MAL2: variants seen among roughly 807,000 people sequenced by gnomAD.
MAL2 encodes mal, T cell differentiation protein 2.
In MAL2, 17 loss-of-function variants were observed where a neutral mutation model predicts 18.1. The ratio of observed to expected loss-of-function variants is 0.94; its 90% CI spans 0.64 to 1.41. The LOEUF (loss-of-function observed/expected upper bound fraction) is 1.41, where lower values mean the gene tolerates loss of function less well. Ranked by LOEUF, MAL2 falls within the 40% of genes most tolerant of loss-of-function variation. The pLI, the probability that MAL2 is intolerant of heterozygous loss-of-function variation, is 0.00. For missense variants in MAL2, 222 were observed against 231.9 expected (o/e 0.96, Z 0.28); for synonymous variants, 102 against 102.3 (o/e 1.00, Z 0.02).
chr8:119,216,748 G>T (rs760696023), intron 1 of MAL2, among the ~76,000 whole-genome samples: 1 of 152,164 alleles, frequency 6.6e-6, no homozygotes, highest in Non-Finnish European at 1.5e-5. Context: ...TCCCTTATGG[G>T]TAGTTTAGCC....
chr8:119,228,081 C>T (rs1327989136), intron 2 of MAL2, among the ~76,000 whole-genome samples: 5 of 152,132 alleles, frequency 3.3e-5, no homozygotes, highest in Non-Finnish European at 5.9e-5. Context: ...TAATTCCTTT[C>T]GCCCTCTTAT....
intron 2 of MAL2, among the ~76,000 whole-genome samples, chr8:119,235,241 GT>G (rs1050604516): frequency 3.2e-4 from 49 of 152,156 alleles, no homozygotes; most frequent in African/African-American, 1.1e-3. Flanking sequence ...GAGAAGGGAA[GT>G]TTAGAGAAAA....
At position 119,213,875 on chromosome 8, in the gene MAL2, C is replaced by A. The variant is rs1181920159; in HGVS notation, c.132+5271C>A. Among the ~76,000 whole-genome samples the A allele has an allele frequency of 2.0e-5, 3 of 152,030 alleles. No individual in the cohort carries two copies. In the East Asian group the frequency reaches 5.8e-4, roughly 29 times the overall value. On this transcript the variant is annotated intron_variant, in intron 1 of 3. Transcript: ENST00000614891. Reference sequence around the variant, plus strand: ...TAAAGTTTCATAAGGGAAAATAAACCAATGCCCCTGCCAGAGATTATTATC... The same window carrying A: ...TAAAGTTTCATAAGGGAAAATAAACAAATGCCCCTGCCAGAGATTATTATC...
At position 119,208,376 on chromosome 8, in the gene MAL2, G is replaced by C. The variant is rs1034938565; in HGVS notation, c.-97G>C. On this transcript the variant is annotated 5_prime_UTR_variant, in exon 1 of 4. Coordinates refer to ENST00000614891, the MANE Select transcript of MAL2 (RefSeq NM_052886.3). This position sits in a 1 kb window ranked among gnomAD's most constrained non-coding sequence, Gnocchi z 4.3. ...CTCCCGCGCGGCGCGCCCGGAGCCC[G>C]CGGAGCTGAGCGGCGGCGGCGGCGG... 1 of 654,536 alleles carries C rather than the reference G, an allele frequency of 1.5e-6. No homozygotes were observed. The allele number at this position is 654,536 out of a possible 1,614,324, so 40.5% of individuals were successfully genotyped here. A position where few individuals can be genotyped will look rare whatever the true frequency, so the allele number is the denominator to read the frequency against.
In MAL2 at chr8:119,243,397, T is replaced by TTTTG. The variant is rs555364671; in HGVS notation, c.460-16_460-13dup. The stretch of plus-strand genomic sequence containing the variant: ...TCGGTGTTGTAAATCTGATGTGAAT[T>TTTTG]TTTGTTTCTTTTTTCTTAGATTTTT... On this transcript the variant is annotated intron_variant, in intron 3 of 3. Transcript: ENST00000614891. The TTTTG allele has an allele frequency of 6.4e-7, 1 of 1,562,906 alleles. No homozygotes were observed. The highest frequency in any genetic ancestry group is 1.2e-5 in the South Asian group (1 of 84,602).
intron 2 of MAL2, among the ~76,000 whole-genome samples, chr8:119,239,108 G>A (rs191828771): frequency 0.068 from 10,391 of 152,028 alleles, 486 homozygotes; most frequent in Non-Finnish European, 0.11. Flanking sequence ...TCAAAAAGTG[G>A]GTGAAGGATA....
At chr8:119,243,077 C>A (rs1818078611) in intron 3 of MAL2, among the ~76,000 whole-genome samples, 1 of 152,194 alleles carries the variant, frequency 6.6e-6, no homozygotes, top group Non-Finnish European at 1.5e-5. Flanking sequence ...ATGAACAGAA[C>A]TTCATGCTGA....
At chr8:119,222,557 G>A (rs980129763) in intron 2 of MAL2, among the ~76,000 whole-genome samples, 1 of 151,138 alleles carries the variant, frequency 6.6e-6, no homozygotes, top group Non-Finnish European at 1.5e-5. Flanking sequence ...ACCAAGTGCA[G>A]TGGCTCATGC....
chr8:119,228,522 T>G (rs1817644155), intron 2 of MAL2, among the ~76,000 whole-genome samples: 1 of 152,072 alleles, frequency 6.6e-6, no homozygotes, highest in South Asian at 2.1e-4. Flanking sequence ...CACAGACTAG[T>G]GCCTCCAAGC....
At chr8:119,213,690 A>G (rs1267975313) in intron 1 of MAL2, among the ~76,000 whole-genome samples, 2 of 152,092 alleles carry the variant, frequency 1.3e-5, no homozygotes, top group Non-Finnish European at 2.9e-5. Context: ...GTGGTGGCAC[A>G]TGACTGTAAT....
chr8:119,241,284 T>C (rs1348099443), intron 3 of MAL2, among the ~76,000 whole-genome samples: 3 of 152,126 alleles, frequency 2.0e-5, no homozygotes, highest in Admixed American at 1.3e-4. Context: ...TCCCAGCACA[T>C]TGGTAGGCCG....
chr8:119,234,252 G>A lies in MAL2; in HGVS notation c.304-5913G>A, dbSNP rs183719498. On this transcript the variant is annotated intron_variant, in intron 2 of 3. Coordinates refer to ENST00000614891, the MANE Select transcript of MAL2 (RefSeq NM_052886.3). ...ACCCGAATATTGCACTTTTCAGACC[G>A]GCTTAAAAAACGGCGCACCACGAGA... Among the ~76,000 whole-genome samples, 270 of 152,214 alleles carry A rather than the reference G, an allele frequency of 1.8e-3. 1 individual carries two copies. Among genetic ancestry groups the A allele is most frequent in the Non-Finnish European group, 3.1e-3 (209 of 68,008 alleles).
At chr8:119,242,767 T>C (rs1202100086) in intron 3 of MAL2, among the ~76,000 whole-genome samples, 4 of 152,334 alleles carry the variant, frequency 2.6e-5, no homozygotes, top group African/African-American at 9.6e-5. Flanking sequence ...GCTTTTGCTT[T>C]GTCTTTTAGT....
At chr8:119,219,771 G>A (rs1433450213) in intron 1 of MAL2, among the ~76,000 whole-genome samples, 1 of 152,166 alleles carries the variant, frequency 6.6e-6, no homozygotes, top group Non-Finnish European at 1.5e-5. Context: ...TGCAGATGGA[G>A]AGCCAAAGGG....
intron 2 of MAL2, among the ~76,000 whole-genome samples, 191 bp from the exon 3 acceptor site, chr8:119,239,974 G>T (rs1412775107): frequency 6.6e-6 from 1 of 152,176 alleles, no homozygotes; most frequent in African/African-American, 2.4e-5. Context: ...TGCCAATTAA[G>T]ATGGGTCAGT....
chr8:119,236,796 T>C (rs1416292093), intron 2 of MAL2, among the ~76,000 whole-genome samples: 1 of 149,864 alleles, frequency 6.7e-6, no homozygotes, highest in Non-Finnish European at 1.5e-5. Context: ...CAAAGCAGTG[T>C]GTAGAGGGAA....
rs555453843 is a variant in MAL2, at chr8:119,239,455, A to G, written c.304-710A>G. ...AAAGGACTACAGATCATGCTGCTAT[A>G]AAGACACATGCACATGTATGTTTAT... On this transcript the variant is annotated intron_variant, in intron 2 of 3. Transcript: ENST00000614891. Among the ~76,000 whole-genome samples, 359 of 152,194 alleles carry G rather than the reference A, an allele frequency of 2.4e-3. 5 individuals carry two copies. Among genetic ancestry groups the G allele is most frequent in the African/African-American group, 8.3e-3 (344 of 41,420 alleles).
At chr8:119,211,265 A>T (rs1273673583) in intron 1 of MAL2, among the ~76,000 whole-genome samples, 6 of 152,220 alleles carry the variant, frequency 3.9e-5, no homozygotes, top group Non-Finnish European at 7.3e-5. Context: ...CTAAATGCTA[A>T]GTGATCTCCA....
Sources: allele counts gnomAD v4.1 joint callset (sites outside exome capture counted in the v4.1 genomes callset), GRCh38; gene constraint gnomAD v4.1.1; non-coding constraint Gnocchi (gnomAD v3.1); transcripts MANE v1.5; gene names NCBI Gene and HGNC (gene_info 2026-07-23, HGNC 2026-07-21).